Variants in DYM observed in about 807,000 individuals in gnomAD.
DYM encodes the protein dymeclin.
DYM carries 78 observed loss-of-function variants against 93.1 expected under a neutral mutation model. The ratio of observed to expected loss-of-function variants is 0.84; its 90% CI spans 0.70 to 1.01. The LOEUF is 1.01. Among genes scored for constraint, DYM ranks in the 50% least tolerant of loss-of-function variants. The probability of loss-of-function intolerance (pLI) is 0.00; values close to 1 mark genes in which losing one functional copy is unlikely to be tolerated. For missense variants in DYM, 789 were observed against 845.0 expected, an observed-to-expected ratio of 0.93 and a Z score of 0.82; for synonymous variants, 321 against 319.7, an observed-to-expected ratio of 1.00 and a Z score of -0.04.
intron 6 of DYM, among the ~76,000 whole-genome samples, chr18:49,336,717 T>G (rs961231303): frequency 3.3e-5 from 5 of 152,032 alleles, no homozygotes; most frequent in Non-Finnish European, 5.9e-5. Flanking sequence ...CATCAACAAA[T>G]AGACAAGGCT....
At chr18:49,391,560 AAAC>A (rs761948079) in intron 3 of DYM, 30 bp downstream of exon 3, 23 of 1,608,758 alleles carry the variant, frequency 1.4e-5, no homozygotes, top group African/African-American at 1.3e-4. Flanking sequence ...CAAAATTTGA[AAAC>A]AACACCCCAC....
chr18:49,117,996 CTTTTTTTTT>C (rs35936099), intron 16 of DYM, among the ~76,000 whole-genome samples: 1 of 53,478 alleles, frequency 1.9e-5, no homozygotes, highest in East Asian at 5.4e-4. Flanking sequence ...TGTGCCCAGC[CTTTTTTTTT>C]TTTTTTTTTT....
At chr18:49,347,930 C>T (rs760038536) in intron 6 of DYM, among the ~76,000 whole-genome samples, 7 of 152,160 alleles carry the variant, frequency 4.6e-5, no homozygotes, top group Non-Finnish European at 1.0e-4. Flanking sequence ...AGCCAAAATA[C>T]TGCTTTGGCT....
At chr18:49,328,621 C>A (rs1009431577) in intron 8 of DYM, among the ~76,000 whole-genome samples, 8 of 152,238 alleles carry the variant, frequency 5.3e-5, no homozygotes, top group African/African-American at 1.7e-4. Context: ...AAAAAGTGGG[C>A]AAAGGATATG....
intron 1 of DYM, among the ~76,000 whole-genome samples, chr18:49,453,480 G>T (rs544515644): frequency 2.0e-5 from 3 of 152,084 alleles, no homozygotes; most frequent in African/African-American, 7.2e-5. Flanking sequence ...TGAAGCCAGC[G>T]AGAGCACGAA....
chr18:49,157,873 A>C (rs1314977105), intron 15 of DYM, among the ~76,000 whole-genome samples: 1 of 152,142 alleles, frequency 6.6e-6, no homozygotes, highest in East Asian at 1.9e-4. Flanking sequence ...TTTTATTCTA[A>C]AAGTTGTATA....
chr18:49,282,201 G>T, intron 9 of DYM, 26 bp from the exon 10 acceptor site: 1 of 1,590,606 alleles, frequency 6.3e-7, no homozygotes, highest in Non-Finnish European at 8.6e-7. Flanking sequence ...CAGCACATCA[G>T]TAATTTCTAG....
At chr18:49,453,923 C>T (rs2082746027) in intron 1 of DYM, among the ~76,000 whole-genome samples, 1 of 152,114 alleles carries the variant, frequency 6.6e-6, no homozygotes, top group Non-Finnish European at 1.5e-5. Context: ...CTCCAGCCAC[C>T]CAAATCCAAT....
intron 6 of DYM, among the ~76,000 whole-genome samples, chr18:49,351,325 T>G (rs1010889949): frequency 1.3e-5 from 2 of 152,044 alleles, no homozygotes; most frequent in Admixed American, 6.6e-5. Flanking sequence ...GAGTCAAGAT[T>G]GTGCCACTGC....
At chr18:49,325,670 T>C (rs1484346089) in intron 8 of DYM, among the ~76,000 whole-genome samples, 1 of 152,130 alleles carries the variant, frequency 6.6e-6, no homozygotes, top group East Asian at 1.9e-4. Context: ...GATGATAAAA[T>C]AGGCAAAAAA....
chr18:49,190,826 G>A (rs930263894), intron 14 of DYM, among the ~76,000 whole-genome samples: 1 of 152,074 alleles, frequency 6.6e-6, no homozygotes, highest in African/African-American at 2.4e-5. Context: ...TGAAGACAGG[G>A]AAGACCTTTA....
At chr18:49,337,493 C>T (rs922268093) in intron 6 of DYM, among the ~76,000 whole-genome samples, 1 of 152,166 alleles carries the variant, frequency 6.6e-6, no homozygotes, top group Non-Finnish European at 1.5e-5. Context: ...CTCTCTCCTT[C>T]TGAGATTGTG....
intron 15 of DYM, among the ~76,000 whole-genome samples, chr18:49,160,843 G>A (rs2087017459): frequency 6.6e-6 from 1 of 152,272 alleles, no homozygotes; most frequent in South Asian, 2.1e-4. Flanking sequence ...TGAGCAATGG[G>A]AATGACCAAC....
chr18:49,140,583 T>A (rs1345825871), intron 15 of DYM, among the ~76,000 whole-genome samples: 2 of 152,210 alleles, frequency 1.3e-5, no homozygotes, highest in African/African-American at 4.8e-5. Context: ...TCAAGACATT[T>A]AGCAACTATA....
chr18:49,370,299 AC>A lies in DYM; in HGVS notation c.422-7067del, dbSNP rs1489613181. The stretch of plus-strand genomic sequence containing the variant: ...ATCTCAGAAAAAAAAAAAAAAAAAA[AC>A]AAAACAGGACTAACTCCCTCTCTGG... On this transcript the variant is annotated intron_variant, in intron 5 of 17. Coordinates refer to ENST00000675505, the MANE Select transcript of DYM (RefSeq NM_001353214.3). Among the ~76,000 whole-genome samples, 75 of 149,994 alleles carry A rather than the reference AC, an allele frequency of 5.0e-4. 2 individuals are homozygous for A. Among genetic ancestry groups the A allele is most frequent in the African/African-American group, 1.7e-3 (71 of 40,632 alleles).
intron 3 of DYM, among the ~76,000 whole-genome samples, chr18:49,386,600 A>AAATGTGG (rs759672796): frequency 3.3e-5 from 5 of 152,182 alleles, no homozygotes; most frequent in Non-Finnish European, 5.9e-5. Context: ...AAGGCATAAA[A>AAATGTGG]AATGTGGGAA....
rs1017616316 is a variant in DYM at position 49,460,492 on chromosome 18, C to G, written c.-148G>C. The G allele has an allele frequency of 1.4e-4, 21 of 152,492 alleles. No individual in the cohort carries two copies. The highest frequency in any genetic ancestry group is 4.6e-4 in the African/African-American group (19 of 41,432). 9.4% of individuals were successfully genotyped at this position (152,492 alleles called of 1,614,324 possible). ...GGTCAGGAGAAGTCGCTGTCGCCGC[C>G]GCAGCCCAGGTGGCGCACACCGGCT... On this transcript the variant is annotated 5_prime_UTR_variant, in exon 1 of 18. Coordinates refer to ENST00000675505, the MANE Select transcript of DYM (RefSeq NM_001353214.3).
At chr18:49,440,489 TATATA>T (rs548507984) in intron 1 of DYM, among the ~76,000 whole-genome samples, 33 of 84,616 alleles carry the variant, frequency 3.9e-4, no homozygotes, top group South Asian at 3.2e-3. Context: ...ATTATATATT[TATATA>T]ATATATGACT....
At chr18:49,428,427 G>C (rs1056527926) in intron 2 of DYM, among the ~76,000 whole-genome samples, 1 of 152,160 alleles carries the variant, frequency 6.6e-6, no homozygotes, top group African/African-American at 2.4e-5. Flanking sequence ...TCTCACGCCT[G>C]TAATCCCAGC....
Sources: allele counts gnomAD v4.1 joint callset (sites outside exome capture counted in the v4.1 genomes callset), GRCh38; gene constraint gnomAD v4.1.1; transcripts MANE v1.5; gene names NCBI Gene and HGNC (gene_info 2026-07-23, HGNC 2026-07-21).